Variants in B4GALT5 observed in about 807,000 individuals in gnomAD.
The protein encoded by B4GALT5 is beta-1,4-galactosyltransferase 5, also known as UDP-Gal:beta-GlcNAc beta-1,4-galactosyltransferase 5.
B4GALT5 carries 11 observed loss-of-function variants against 45.0 expected under a neutral mutation model. That is an observed-to-expected ratio of 0.24 (90% CI 0.15 to 0.40). The LOEUF (loss-of-function observed/expected upper bound fraction) is 0.40. B4GALT5 is among the 10% of genes least tolerant of loss of function. B4GALT5 has a pLI of 1.00. For synonymous variants in B4GALT5, 185 were observed against 182.9 expected, an observed-to-expected ratio of 1.01 and a Z score of -0.09; for missense variants, 337 against 500.2, an observed-to-expected ratio of 0.67 and a Z score of 3.11.
intron 2 of B4GALT5, among the ~76,000 whole-genome samples, chr20:49,655,108 G>A (rs2085636973): frequency 6.6e-6 from 1 of 151,700 alleles, no homozygotes; most frequent in Non-Finnish European, 1.5e-5. Context: ...TCCAGCCTGG[G>A]AGACAAACTT....
At chr20:49,681,278 C>G (rs1176691544) in intron 1 of B4GALT5, among the ~76,000 whole-genome samples, 1 of 150,174 alleles carries the variant, frequency 6.7e-6, no homozygotes, top group Non-Finnish European at 1.5e-5. Flanking sequence ...TAAACTTAGC[C>G]GGAAGGACAC....
intron 1 of B4GALT5, among the ~76,000 whole-genome samples, chr20:49,685,253 C>A (rs2085780554): frequency 6.6e-6 from 1 of 152,148 alleles, no homozygotes; most frequent in Non-Finnish European, 1.5e-5. Context: ...TATCACAGAC[C>A]TAGGAACACT....
intron 1 of B4GALT5, among the ~76,000 whole-genome samples, chr20:49,683,385 ATTTTTT>A (rs66503719): frequency 9.3e-5 from 9 of 96,638 alleles, no homozygotes; most frequent in East Asian, 3.0e-4. Context: ...ACAGGTTTAA[ATTTTTT>A]TTTTTTTTTT....
At chr20:49,654,084 G>C (rs934070296) in intron 2 of B4GALT5, among the ~76,000 whole-genome samples, 10 of 152,198 alleles carry the variant, frequency 6.6e-5, no homozygotes, top group African/African-American at 2.4e-4. Flanking sequence ...ATGACATCTG[G>C]ACTGGATAAA....
chr20:49,698,277 G>A (rs937180654), intron 1 of B4GALT5, among the ~76,000 whole-genome samples: 8 of 151,920 alleles, frequency 5.3e-5, no homozygotes, highest in African/African-American at 1.9e-4. Context: ...GAGCCGAGAC[G>A]GTGGCACCAC....
intron 2 of B4GALT5, among the ~76,000 whole-genome samples, chr20:49,654,100 T>C (rs1193531596): frequency 1.3e-5 from 2 of 152,338 alleles, no homozygotes; most frequent in Admixed American, 1.3e-4. Context: ...ATAAATGTCA[T>C]GAGGACACAA....
chr20:49,690,345 T>TC (rs2085805151), intron 1 of B4GALT5, among the ~76,000 whole-genome samples: 1 of 152,040 alleles, frequency 6.6e-6, no homozygotes, highest in South Asian at 2.1e-4. Context: ...TGAACAATCT[T>TC]CAAGTCTCTG....
intron 1 of B4GALT5, among the ~76,000 whole-genome samples, chr20:49,705,461 GAAGTCTGGA>G (rs2085879964): frequency 6.6e-6 from 1 of 152,104 alleles, no homozygotes; most frequent in Non-Finnish European, 1.5e-5. Flanking sequence ...GTAGAGACAC[GAAGTCTGGA>G]GTTCCCAGGC....
intron 1 of B4GALT5, among the ~76,000 whole-genome samples, chr20:49,688,258 G>A (rs1402908544): frequency 6.6e-6 from 1 of 152,194 alleles, no homozygotes; most frequent in Non-Finnish European, 1.5e-5. Flanking sequence ...CTGAAACCAA[G>A]CAGAAAGCCT....
intron 1 of B4GALT5, among the ~76,000 whole-genome samples, chr20:49,664,777 C>T (rs998258811): frequency 1.3e-5 from 2 of 152,156 alleles, no homozygotes; most frequent in Non-Finnish European, 2.9e-5. Flanking sequence ...GGTTTCGCAT[C>T]ATGATGTCTA....
In B4GALT5 at chr20:49,656,869, C is replaced by T. The variant is rs2085645583; in HGVS notation, c.116-167G>A. ...TCTATTTTCCATACCTTTCAGGACA[C>T]CAACATCTTTTGGGTAGCTAGTAGA... On this transcript the variant is annotated intron_variant, in intron 1 of 8. Coordinates refer to ENST00000371711, the MANE Select transcript of B4GALT5 (RefSeq NM_004776.4). Among the ~76,000 whole-genome samples, 7 of 151,944 alleles carry T rather than the reference C, an allele frequency of 4.6e-5. No homozygotes were observed. In the South Asian group the frequency reaches 1.5e-3, roughly 32 times the overall value.
At chr20:49,667,412 C>T (rs899194252) in intron 1 of B4GALT5, among the ~76,000 whole-genome samples, 52 of 152,036 alleles carry the variant, frequency 3.4e-4, no homozygotes, top group African/African-American at 1.2e-3. Context: ...CCACCTCGCC[C>T]GGCTAATTTT....
At chr20:49,637,251 A>G in intron 8 of B4GALT5, 90 bp downstream of exon 8, 1 of 1,126,418 alleles carries the variant, frequency 8.9e-7, no homozygotes, top group South Asian at 1.3e-5. Flanking sequence ...CGGGGTGGGG[A>G]GTAGGAGAAG....
chr20:49,713,310 G>A (rs1301837813), intron 1 of B4GALT5, among the ~76,000 whole-genome samples: 2 of 151,094 alleles, frequency 1.3e-5, no homozygotes, highest in Non-Finnish European at 3.0e-5. Flanking sequence ...GGGCGGGCGT[G>A]AAGGTACAGT....
At chr20:49,654,550 C>T (rs542925598) in intron 2 of B4GALT5, among the ~76,000 whole-genome samples, 26 of 152,234 alleles carry the variant, frequency 1.7e-4, no homozygotes, top group Non-Finnish European at 3.4e-4. Context: ...CTAAAGTGGA[C>T]GGCAAAGGAA....
chr20:49,704,187 ATGAGCAGCTCTG>A (rs2085874541), intron 1 of B4GALT5, among the ~76,000 whole-genome samples: 1 of 152,214 alleles, frequency 6.6e-6, no homozygotes, highest in Non-Finnish European at 1.5e-5. Flanking sequence ...AAATGGGATA[ATGAGCAGCTCTG>A]TGAGGAAAAA....
intron 1 of B4GALT5, among the ~76,000 whole-genome samples, chr20:49,659,495 T>A (rs886564793): frequency 6.6e-6 from 1 of 152,218 alleles, no homozygotes; most frequent in Non-Finnish European, 1.5e-5. Flanking sequence ...CTCGTGTTAG[T>A]CTCGTCATTC....
intron 6 of B4GALT5, 47 bp from the exon 7 acceptor site, chr20:49,639,847 C>G: frequency 6.2e-7 from 1 of 1,601,506 alleles, no homozygotes; most frequent in Non-Finnish European, 8.5e-7. Context: ...TACAGGGTAA[C>G]TGTTTTCCCT....
intron 7 of B4GALT5, among the ~76,000 whole-genome samples, chr20:49,638,898 A>G (rs1182684232): frequency 6.6e-6 from 1 of 152,122 alleles, no homozygotes; most frequent in South Asian, 2.1e-4. Flanking sequence ...ATATAACCGA[A>G]TTAAATGGAG....
Sources: allele counts gnomAD v4.1 joint callset (sites outside exome capture counted in the v4.1 genomes callset), GRCh38; gene constraint gnomAD v4.1.1; transcripts MANE v1.5; gene names NCBI Gene and HGNC (gene_info 2026-07-23, HGNC 2026-07-21).